The following RNF216 variants were observed in gnomAD, a reference collection of about 807,000 sequenced individuals.
RNF216 encodes ring finger protein 216, also known as E3 ubiquitin-protein ligase RNF216.
RNF216 carries 72 observed loss-of-function variants against 110.8 expected under a neutral mutation model. The ratio of observed to expected loss-of-function variants is 0.65; its 90% CI spans 0.54 to 0.79. RNF216 has a LOEUF of 0.79. RNF216 is among the 30% of genes least tolerant of loss of function. The pLI is 0.00. For missense variants in RNF216, 1,342 were observed against 1,141.2 expected (o/e 1.18, Z -2.54); for synonymous variants, 495 against 407.5 (o/e 1.21, Z -2.59).
In RNF216 at chr7:5,690,938, A is replaced by T. The variant is rs79738622; in HGVS notation, c.2061+20823T>A. 4.7e-4 allele frequency among the ~76,000 whole-genome samples: 72 copies of T among 152,286 alleles called. No homozygotes were observed. The East Asian group carries it at 0.014, about 29-fold the overall frequency. ...GCTGAAGACAACCTACAGATGAGTC[A>T]ACTTGGACCCTGTGGTTCAGGGCTT... On this transcript the variant is annotated intron_variant, in intron 13 of 16. Coordinates refer to ENST00000389902, the MANE Select transcript of RNF216 (RefSeq NM_207111.4).
intron 13 of RNF216, among the ~76,000 whole-genome samples, chr7:5,691,264 G>A (rs925627638): frequency 6.6e-6 from 1 of 152,178 alleles, no homozygotes; most frequent in South Asian, 2.1e-4. Flanking sequence ...TCGGGCCGAC[G>A]GCAGCATTTG....
intron 13 of RNF216, among the ~76,000 whole-genome samples, chr7:5,708,748 T>C (rs1792464734): frequency 1.3e-5 from 2 of 152,168 alleles, no homozygotes; most frequent in Admixed American, 1.3e-4. Flanking sequence ...CCCAGCTCTT[T>C]TTTGGCCTCA....
intron 13 of RNF216, among the ~76,000 whole-genome samples, chr7:5,677,675 T>G (rs1023753591): frequency 6.6e-6 from 1 of 152,020 alleles, no homozygotes; most frequent in African/African-American, 2.4e-5. Context: ...GCTATGAGAG[T>G]AGGTGAATCC....
At chr7:5,692,114 T>C (rs939717574) in intron 13 of RNF216, among the ~76,000 whole-genome samples, 3 of 152,252 alleles carry the variant, frequency 2.0e-5, no homozygotes, top group African/African-American at 4.8e-5. Context: ...CCGCAAATCA[T>C]GCCTGGAAAA....
At chr7:5,703,580 T>C (rs957348378) in intron 13 of RNF216, among the ~76,000 whole-genome samples, 3 of 152,158 alleles carry the variant, frequency 2.0e-5, no homozygotes, top group African/African-American at 7.2e-5. Flanking sequence ...CTACAAAGAA[T>C]AGGATGGGAA....
rs1360381397 is a variant in RNF216, at chr7:5,739,370, C to G, written c.1045-18G>C. 2.5e-6 allele frequency: 4 copies of G among 1,584,416 alleles called. No individual in the cohort carries two copies. Among genetic ancestry groups the G allele is most frequent in the Non-Finnish European group, 3.4e-6 (4 of 1,167,382 alleles). On this transcript the variant is annotated intron_variant, in intron 4 of 16. Coordinates refer to ENST00000389902, the MANE Select transcript of RNF216 (RefSeq NM_207111.4). Reference sequence around the variant, plus strand: ...CTTGCTTCCTAGAAACAAATAAGAACATAATTTATATTTCATTCACTAGAA... The same window carrying G: ...CTTGCTTCCTAGAAACAAATAAGAAGATAATTTATATTTCATTCACTAGAA...
At chr7:5,755,204 GGGAAGGAAGAAA>G (rs962777772) in intron 2 of RNF216, among the ~76,000 whole-genome samples, 5 of 124,732 alleles carry the variant, frequency 4.0e-5, no homozygotes, top group Middle Eastern at 3.4e-3. Context: ...AAGGAAGGGA[GGGAAGGAAGAAA>G]GGAAGGAAGG....
At chr7:5,648,109 T>TA (rs1263568510) in intron 14 of RNF216, among the ~76,000 whole-genome samples, 1 of 121,098 alleles carries the variant, frequency 8.3e-6, no homozygotes, top group African/African-American at 4.9e-5. Flanking sequence ...TTTAGCTCTA[T>TA]TTTTTTTTTT....
intron 5 of RNF216, among the ~76,000 whole-genome samples, 184 bp from the exon 6 acceptor site, chr7:5,731,001 T>C (rs531739394): frequency 1.3e-5 from 2 of 152,354 alleles, no homozygotes; most frequent in African/African-American, 2.4e-5. Context: ...TGAATTTCTA[T>C]CTTTGTGAAA....
At chr7:5,765,833 G>C (rs568016405) in intron 1 of RNF216, among the ~76,000 whole-genome samples, 114 of 150,242 alleles carry the variant, frequency 7.6e-4, no homozygotes, top group Admixed American at 2.1e-3. Context: ...GTATGTGCCT[G>C]TAATCCCAGC....
intron 13 of RNF216, among the ~76,000 whole-genome samples, chr7:5,708,502 T>C (rs538904484): frequency 6.6e-6 from 1 of 152,334 alleles, no homozygotes; most frequent in African/African-American, 2.4e-5. Context: ...GTAGAAACTG[T>C]AATTCAAGTA....
chr7:5,627,198 C>A (rs533481842), intron 15 of RNF216, among the ~76,000 whole-genome samples: 62 of 152,248 alleles, frequency 4.1e-4, no homozygotes, highest in African/African-American at 1.4e-3. Context: ...GGCTAGTTGG[C>A]GGTAAACTGG....
intron 15 of RNF216, among the ~76,000 whole-genome samples, chr7:5,631,537 A>C (rs1041440044): frequency 1.3e-5 from 2 of 152,188 alleles, no homozygotes; most frequent in Non-Finnish European, 2.9e-5. Context: ...CGAATGCTTC[A>C]AGATTTCCTT....
intron 7 of RNF216, among the ~76,000 whole-genome samples, chr7:5,726,312 T>C (rs1412925885): frequency 6.6e-6 from 1 of 152,096 alleles, no homozygotes; most frequent in African/African-American, 2.4e-5. Context: ...CTTGAATAAG[T>C]ACAGGTAAAA....
At chr7:5,749,068 T>A (rs1170658758) in intron 3 of RNF216, among the ~76,000 whole-genome samples, 1 of 152,066 alleles carries the variant, frequency 6.6e-6, no homozygotes, top group East Asian at 1.9e-4. Context: ...CAATGCCTTT[T>A]AGTTCACGTG....
At chr7:5,698,384 TACACACACACACACACACAC>T (rs376096873) in intron 13 of RNF216, among the ~76,000 whole-genome samples, 2 of 145,300 alleles carry the variant, frequency 1.4e-5, no homozygotes, top group African/African-American at 5.1e-5. Flanking sequence ...GATTCTTTTA[TACACACACACACACACACAC>T]ACACACACAC....
intron 13 of RNF216, among the ~76,000 whole-genome samples, chr7:5,707,960 C>G (rs1447619653): frequency 6.6e-6 from 1 of 152,190 alleles, no homozygotes; most frequent in Non-Finnish European, 1.5e-5. Flanking sequence ...CTCCAGAATT[C>G]AGGTGATCCA....
intron 3 of RNF216, among the ~76,000 whole-genome samples, chr7:5,752,480 T>C (rs1356770154): frequency 6.6e-6 from 1 of 152,176 alleles, no homozygotes; most frequent in Non-Finnish European, 1.5e-5. Flanking sequence ...ACTAAAGAAG[T>C]TGATTGTAAA....
intron 5 of RNF216, among the ~76,000 whole-genome samples, chr7:5,735,190 T>C (rs1337791988): frequency 6.6e-6 from 1 of 152,110 alleles, no homozygotes; most frequent in Middle Eastern, 3.2e-3. Flanking sequence ...ATCCAAAAAC[T>C]TCAAGACAGG....
Sources: gnomAD v4.1 joint callset for allele counts (sites outside exome capture counted in the v4.1 genomes callset) on GRCh38, gnomAD v4.1.1 for gene constraint, MANE v1.5 for transcripts, NCBI Gene and HGNC (gene_info 2026-07-23, HGNC 2026-07-21) for gene names.